The following OSBP2 variants were observed in gnomAD, a reference collection of about 807,000 sequenced individuals.
The protein encoded by OSBP2 is oxysterol binding protein 2.
In OSBP2, 66 loss-of-function variants were observed where a neutral mutation model predicts 96.0. That is an observed-to-expected ratio of 0.69 (90% CI 0.56 to 0.84). OSBP2 has a LOEUF of 0.84. OSBP2 is among the 40% of genes least tolerant of loss of function. The pLI is 0.00. For missense variants in OSBP2, 1,038 were observed against 1,222.7 expected (o/e 0.85, Z 2.25); for synonymous variants, 525 against 520.9 (o/e 1.01, Z -0.11).
Position 30,695,263 on chromosome 22 carries a change from C to T in OSBP2, c.354C>T (p.Pro118=), listed in dbSNP as rs199510537. 59 of 1,613,506 alleles carry T rather than the reference C, an allele frequency of 3.7e-5. No homozygotes were observed. The East Asian group carries it at 1.2e-3, about 34-fold the overall frequency. The part of the protein sequence containing the change: ...SESSSGVGAG[P]FTKAASEPLS... ...CAAGCTCAGGTGTAGGGGCTGGGCCCTTCACTAAGGCCGCATCGGAGCCGC... is the reference window on the plus strand; with the variant it reads ...CAAGCTCAGGTGTAGGGGCTGGGCCTTTCACTAAGGCCGCATCGGAGCCGC... Residue 118 remains proline (P), a synonymous_variant, in exon 1 of 14, where the codon CCC becomes CCT. Transcript: ENST00000332585.
At chr22:30,808,288 C>T (rs1207947410) in intron 2 of OSBP2, among the ~76,000 whole-genome samples, 2 of 152,028 alleles carry the variant, frequency 1.3e-5, no homozygotes, top group Non-Finnish European at 2.9e-5. Flanking sequence ...ATTACTTGAG[C>T]CCAGGAGTGC....
rs527457006 is a variant in OSBP2 at position 30,752,603 on chromosome 22, A to T, written c.853+11234A>T. On this transcript the variant is annotated intron_variant, in intron 2 of 13. Transcript: ENST00000332585. ...CCGCGCCGGGCCCAGGGTTCTTATT[A>T]TGCAGATGAAGCCTCCAAGTAGCAG... Among the ~76,000 whole-genome samples, 7 of 152,054 alleles carry T rather than the reference A, an allele frequency of 4.6e-5. 1 individual carries two copies. The South Asian group carries it at 1.2e-3, about 27-fold the overall frequency.
At chr22:30,730,806 A>ATGTT in intron 1 of OSBP2, among the ~76,000 whole-genome samples, 1 of 41,564 alleles carries the variant, frequency 2.4e-5, no homozygotes, top group Non-Finnish European at 4.1e-5. Context: ...ATATATATAT[A>ATGTT]TAATTTTTTT....
chr22:30,739,072 G>T (rs573177798), intron 1 of OSBP2, among the ~76,000 whole-genome samples: 1 of 152,154 alleles, frequency 6.6e-6, no homozygotes, highest in Non-Finnish European at 1.5e-5. Flanking sequence ...TTATTATGTC[G>T]TAGGGGTTCT....
At chr22:30,830,758 A>G (rs1427170953) in intron 2 of OSBP2, among the ~76,000 whole-genome samples, 1 of 152,226 alleles carries the variant, frequency 6.6e-6, no homozygotes. Flanking sequence ...TGTTTAGACA[A>G]CAATTCCAGA....
intron 2 of OSBP2, among the ~76,000 whole-genome samples, chr22:30,828,784 G>A (rs1403393994): frequency 6.6e-6 from 1 of 152,108 alleles, no homozygotes; most frequent in African/African-American, 2.4e-5. Context: ...AAGGAGGAGA[G>A]GAGACGGGGG....
At chr22:30,784,876 G>A (rs571382829) in intron 2 of OSBP2, among the ~76,000 whole-genome samples, 5 of 151,684 alleles carry the variant, frequency 3.3e-5, no homozygotes, top group Non-Finnish European at 7.4e-5. Context: ...AGGTTCAAGC[G>A]ATTCTCCTGT....
intron 2 of OSBP2, among the ~76,000 whole-genome samples, chr22:30,798,176 A>G (rs1271980422): frequency 6.6e-6 from 1 of 152,122 alleles, no homozygotes; most frequent in Non-Finnish European, 1.5e-5. Context: ...CATTTTCCTA[A>G]TGATTAATGA....
intron 2 of OSBP2, among the ~76,000 whole-genome samples, chr22:30,834,908 T>G (rs2038601785): frequency 6.6e-6 from 1 of 151,988 alleles, no homozygotes; most frequent in South Asian, 2.1e-4. Flanking sequence ...CTCTGCCTCC[T>G]GGGTTCAAGT....
At chr22:30,814,602 G>C (rs1569135108) in intron 2 of OSBP2, among the ~76,000 whole-genome samples, 2 of 151,382 alleles carry the variant, frequency 1.3e-5, no homozygotes, top group African/African-American at 2.4e-5. Flanking sequence ...AGCTATTTTT[G>C]TATTTTAGTA....
intron 2 of OSBP2, among the ~76,000 whole-genome samples, chr22:30,791,213 C>G (rs139906869): frequency 6.6e-6 from 1 of 151,956 alleles, no homozygotes. Flanking sequence ...CTCATGTGAT[C>G]CACCCGCCTA....
intron 1 of OSBP2, among the ~76,000 whole-genome samples, chr22:30,731,403 C>T (rs533409442): frequency 2.6e-5 from 4 of 152,094 alleles, no homozygotes; most frequent in African/African-American, 4.8e-5. Flanking sequence ...GAAGAAAATA[C>T]ACCTCAGAGC....
chr22:30,876,552 C>T (rs949463003), intron 3 of OSBP2, among the ~76,000 whole-genome samples: 1 of 152,244 alleles, frequency 6.6e-6, no homozygotes, highest in Non-Finnish European at 1.5e-5. Context: ...CTGGTGGGCC[C>T]AGCAGCCTCT....
intron 2 of OSBP2, among the ~76,000 whole-genome samples, chr22:30,858,247 C>T (rs1019442602): frequency 1.3e-4 from 20 of 150,742 alleles, no homozygotes; most frequent in African/African-American, 4.4e-4. Context: ...CCCGGGTTCA[C>T]GCCATTCTCC....
intron 2 of OSBP2, among the ~76,000 whole-genome samples, chr22:30,786,648 G>A (rs2090594159): frequency 6.8e-6 from 1 of 147,602 alleles, no homozygotes; most frequent in East Asian, 2.0e-4. Context: ...TGAAAATGAG[G>A]CCCAGAGGTT....
chr22:30,835,942 C>G (rs2038622764), intron 2 of OSBP2, among the ~76,000 whole-genome samples: 1 of 152,028 alleles, frequency 6.6e-6, no homozygotes, highest in Non-Finnish European at 1.5e-5. Flanking sequence ...TGGTTTTGAA[C>G]TCTTGGCCTC....
chr22:30,823,986 TG>T (rs879803002), intron 2 of OSBP2, among the ~76,000 whole-genome samples: 3 of 152,216 alleles, frequency 2.0e-5, no homozygotes, highest in African/African-American at 7.2e-5. Flanking sequence ...GAAAAGACAT[TG>T]TTTTTTTTCT....
chr22:30,850,306 C>CA (rs145695204), intron 2 of OSBP2, among the ~76,000 whole-genome samples: 43,961 of 120,872 alleles, frequency 0.36, 7,940 homozygotes, highest in South Asian at 0.51. Flanking sequence ...GACTCTGTCT[C>CA]AAAAAAAAAA....
chr22:30,815,052 C>G (rs571696604), intron 2 of OSBP2, among the ~76,000 whole-genome samples: 8 of 152,226 alleles, frequency 5.3e-5, no homozygotes, highest in African/African-American at 1.9e-4. Context: ...GAGGCCAAGG[C>G]GGGAGGATGG....
Sources: allele counts gnomAD v4.1 joint callset (sites outside exome capture counted in the v4.1 genomes callset), GRCh38; gene constraint gnomAD v4.1.1; transcripts MANE v1.5; gene names NCBI Gene and HGNC (gene_info 2026-07-23, HGNC 2026-07-21).